THSD7A: variants seen among roughly 807,000 people sequenced by gnomAD.
The protein encoded by THSD7A is thrombospondin type-1 domain-containing protein 7A.
In THSD7A, 96 loss-of-function variants were observed where a neutral mutation model predicts 231.3. The ratio of observed to expected loss-of-function variants is 0.41; its 90% CI spans 0.35 to 0.49. The LOEUF (loss-of-function observed/expected upper bound fraction) is 0.49. Ranked by LOEUF, THSD7A falls within the 20% of genes least tolerant of loss-of-function variation. THSD7A has a pLI of 0.05. For synonymous variants in THSD7A, 940 were observed against 743.3 expected (o/e 1.26, Z -4.30); for missense variants, 2,290 against 2,070.2 (o/e 1.11, Z -2.06).
At chr7:11,534,038 T>C (rs932404083) in intron 6 of THSD7A, among the ~76,000 whole-genome samples, 1 of 152,176 alleles carries the variant, frequency 6.6e-6, no homozygotes, top group Non-Finnish European at 1.5e-5. Flanking sequence ...GTTCTTTTCA[T>C]TCACAGACCT....
intron 4 of THSD7A, among the ~76,000 whole-genome samples, chr7:11,546,200 G>GCA (rs1554335284): frequency 0.019 from 760 of 40,876 alleles, 14 homozygotes; most frequent in African/African-American, 0.095. Flanking sequence ...GTGTGGGCGC[G>GCA]CGCTCACACA....
At chr7:11,822,725 T>C (rs1466765110) in intron 1 of THSD7A, among the ~76,000 whole-genome samples, 1 of 152,078 alleles carries the variant, frequency 6.6e-6, no homozygotes, top group African/African-American at 2.4e-5. Flanking sequence ...TATGTCTTCT[T>C]TTAAAAATGT....
At chr7:11,568,483 G>A (rs11771659) in intron 4 of THSD7A, among the ~76,000 whole-genome samples, 3,888 of 151,922 alleles carry the variant, frequency 0.026, 72 homozygotes, top group South Asian at 0.07. Flanking sequence ...AAATTGGCCA[G>A]GTGTGGTGGC....
intron 6 of THSD7A, among the ~76,000 whole-genome samples, chr7:11,514,013 G>A (rs1184017431): frequency 6.6e-6 from 1 of 151,364 alleles, no homozygotes; most frequent in Non-Finnish European, 1.5e-5. Context: ...TCTCAAACAT[G>A]CTACGTGTGC....
intron 4 of THSD7A, among the ~76,000 whole-genome samples, chr7:11,580,788 C>T (rs543902546): frequency 2.0e-5 from 3 of 152,032 alleles, no homozygotes; most frequent in Non-Finnish European, 4.4e-5. Context: ...CTAATGGATA[C>T]TAGGCTTAAT....
chr7:11,700,578 A>G (rs1451655863), intron 1 of THSD7A, among the ~76,000 whole-genome samples: 1 of 151,298 alleles, frequency 6.6e-6, no homozygotes, highest in Non-Finnish European at 1.5e-5. Flanking sequence ...AATTATGGAT[A>G]AAATTGTAGT....
intron 4 of THSD7A, among the ~76,000 whole-genome samples, chr7:11,575,417 G>A (rs1481815542): frequency 1.3e-5 from 2 of 152,118 alleles, no homozygotes; most frequent in African/African-American, 4.8e-5. Flanking sequence ...CCTGCATCTA[G>A]TTAGGCCTGG....
intron 2 of THSD7A, among the ~76,000 whole-genome samples, chr7:11,621,272 T>A (rs1216039294): frequency 6.6e-6 from 1 of 152,164 alleles, no homozygotes; most frequent in African/African-American, 2.4e-5. Context: ...CCATTATACG[T>A]TTCACTCAAT....
chr7:11,786,940 T>C (rs1367507430), intron 1 of THSD7A, among the ~76,000 whole-genome samples: 1 of 151,460 alleles, frequency 6.6e-6, no homozygotes, highest in Admixed American at 6.6e-5. Context: ...CTGGTGGCCC[T>C]TAGGCATTTT....
intron 2 of THSD7A, among the ~76,000 whole-genome samples, chr7:11,594,987 C>A (rs1562755174): frequency 6.6e-6 from 1 of 152,130 alleles, no homozygotes; most frequent in Admixed American, 6.6e-5. Flanking sequence ...TCTGATGAAT[C>A]TTTTTTGCCA....
intron 1 of THSD7A, among the ~76,000 whole-genome samples, chr7:11,673,958 T>C (rs1393049394): frequency 1.3e-5 from 2 of 152,026 alleles, no homozygotes; most frequent in East Asian, 1.9e-4. Flanking sequence ...TGCGTACACG[T>C]GGCCACTGCC....
intron 1 of THSD7A, among the ~76,000 whole-genome samples, chr7:11,829,357 A>G (rs979276715): frequency 1.3e-5 from 2 of 152,084 alleles, no homozygotes; most frequent in African/African-American, 4.8e-5. Flanking sequence ...AGGGGTTAAA[A>G]AGGCCCTTAG....
chr7:11,613,177 T>C (rs1413221536), intron 2 of THSD7A, among the ~76,000 whole-genome samples: 3 of 152,206 alleles, frequency 2.0e-5, no homozygotes, highest in African/African-American at 4.8e-5. Flanking sequence ...TATCCCACAA[T>C]CTTGGACTTA....
At chr7:11,613,528 C>A (rs1781005764) in intron 2 of THSD7A, among the ~76,000 whole-genome samples, 1 of 152,180 alleles carries the variant, frequency 6.6e-6, no homozygotes, top group Admixed American at 6.5e-5. Context: ...ATACCTCTCA[C>A]TCCTATGAAC....
chr7:11,807,517 T>C (rs75081179), intron 1 of THSD7A, among the ~76,000 whole-genome samples: 1 of 152,172 alleles, frequency 6.6e-6, no homozygotes, highest in Non-Finnish European at 1.5e-5. Context: ...AAACAAATTA[T>C]TGATTTTATC....
At chr7:11,686,161 A>G (rs1342950316) in intron 1 of THSD7A, among the ~76,000 whole-genome samples, 4 of 151,928 alleles carry the variant, frequency 2.6e-5, no homozygotes, top group African/African-American at 9.7e-5. Context: ...AAAGATGGGA[A>G]CAATAGACAC....
intron 1 of THSD7A, among the ~76,000 whole-genome samples, chr7:11,805,264 C>G (rs549887192): frequency 1.5e-4 from 23 of 152,284 alleles, no homozygotes; most frequent in African/African-American, 5.1e-4. Context: ...ATGGGACTAT[C>G]TCTTTTCTGT....
At chr7:11,538,717 T>C (rs1457924785) in intron 6 of THSD7A, among the ~76,000 whole-genome samples, 2 of 152,130 alleles carry the variant, frequency 1.3e-5, no homozygotes, top group Non-Finnish European at 2.9e-5. Flanking sequence ...TAATCGTCTT[T>C]TGTGCTCTCT....
intron 7 of THSD7A, 110 bp downstream of exon 7, chr7:11,481,677 GA>G: frequency 8.6e-7 from 1 of 1,167,804 alleles, no homozygotes; most frequent in Non-Finnish European, 1.2e-6. Context: ...TTGGATGGCT[GA>G]ATTTCTGGTT....
Sources: allele counts gnomAD v4.1 joint callset (sites outside exome capture counted in the v4.1 genomes callset), GRCh38; gene constraint gnomAD v4.1.1; transcripts MANE v1.5; gene names NCBI Gene and HGNC (gene_info 2026-07-23, HGNC 2026-07-21).